The following LTBP4 variants were observed in gnomAD, a reference collection of about 807,000 sequenced individuals.
LTBP4 encodes latent transforming growth factor beta binding protein 4.
LTBP4 carries 93 observed loss-of-function variants against 180.2 expected under a neutral mutation model. That is an observed-to-expected ratio of 0.52 (90% CI 0.44 to 0.61). LTBP4 has a LOEUF of 0.61. Among genes scored for constraint, LTBP4 ranks in the 20% least tolerant of loss-of-function variants. The probability of loss-of-function intolerance (pLI) is 0.00; values close to 1 mark genes in which losing one functional copy is unlikely to be tolerated. For missense variants in LTBP4, 2,116 were observed against 2,256.5 expected (o/e 0.94, Z 1.26); for synonymous variants, 947 against 934.5 (o/e 1.01, Z -0.24).
At chr19:40,602,573 C>T (rs775640497) in intron 1 of LTBP4, among the ~76,000 whole-genome samples, 2 of 152,176 alleles carry the variant, frequency 1.3e-5, no homozygotes, top group Non-Finnish European at 2.9e-5. Context: ...CTCCCTCTCT[C>T]CTCCCCTTCC....
At chr19:40,594,449 G>A (rs2081380769) in intron 1 of LTBP4, 1 of 152,136 alleles carries the variant, frequency 6.6e-6, no homozygotes, top group Admixed American at 6.6e-5. Context: ...AGTTGCAGTG[G>A]TGAGCCAGAG....
chr19:40,609,930 C>T lies in LTBP4; in HGVS notation c.1684+59C>T. On this transcript the variant is annotated intron_variant, in intron 11 of 29. Coordinates refer to ENST00000396819, the MANE Select transcript of LTBP4 (RefSeq NM_001042545.2). The surrounding 1 kb of genome is among the most constrained non-coding windows in gnomAD (Gnocchi z 4.9). The stretch of plus-strand genomic sequence containing the variant: ...CCCCAGGGTCTCGCTCCTGCTCTCA[C>T]TCCAGAGCCTCTCCAGCCCTCCCAC... 1 of 1,463,670 alleles carries T rather than the reference C, an allele frequency of 6.8e-7. No homozygotes were observed. The highest frequency in any genetic ancestry group is 9.0e-7 in the Non-Finnish European group (1 of 1,106,494). The allele number at this position is 1,463,670 out of a possible 1,614,324, so 90.7% of individuals were successfully genotyped here. A position where few individuals can be genotyped will look rare whatever the true frequency, so the allele number is the denominator to read the frequency against.
In LTBP4 at chr19:40,623,695, C is replaced by A; in HGVS notation, c.3648C>A (p.Asn1216Lys). ...CGGGCTACTCATGCTATTGCAGCAA[C>A]GGCTACTACTACCACACACAGCGGC... is the stretch of plus-strand genomic sequence containing the variant. ...TAPGYSCYCS[N>K]GYYYHTQRLE... The change falls in exon 25 of 30, where the codon AAC (asparagine) becomes AAA (lysine). Residue 1216 changes from asparagine (N) to lysine (K), a missense_variant. Physicochemically the swap from Asn to Lys is moderately conservative, Grantham distance 94. Around this residue, in one of 5 missense-constraint regions of LTBP4, gnomAD observed 278 missense variants for 373.0 expected, o/e 0.75. Coordinates refer to ENST00000396819, the MANE Select transcript of LTBP4 (RefSeq NM_001042545.2). The A allele has an allele frequency of 6.2e-7, 1 of 1,613,918 alleles. No homozygotes were observed. Among genetic ancestry groups the A allele is most frequent in the Non-Finnish European group, 8.5e-7 (1 of 1,179,890 alleles).
chr19:40,608,272 C>T lies in LTBP4; in HGVS notation c.1209C>T (p.Ser403=), dbSNP rs369408274. The stretch of plus-strand genomic sequence containing the variant: ...GTCCTGGTTACCACTACTCGGCCTC[C>T]GACCTCCGCTACAACACCAGACCCC... ...PAGPGYHYSA[S]DLRYNTRPLG... is the part of the protein sequence containing the mutation. Residue 403 remains serine (S), a synonymous_variant, in exon 8 of 30, where the codon TCC becomes TCT. Coordinates refer to ENST00000396819, the MANE Select transcript of LTBP4 (RefSeq NM_001042545.2). 7.4e-6 allele frequency: 12 copies of T among 1,613,770 alleles called. No homozygotes were observed. The highest frequency in any genetic ancestry group is 2.2e-5 in the South Asian group (2 of 91,070).
rs769425709 is a variant in LTBP4, at chr19:40,611,313, C to T, written c.1972C>T (p.Arg658Cys). Residue 658 changes from arginine (R) to cysteine (C), a missense_variant, in exon 13 of 30, where the codon CGC becomes TGC. Arg to Cys is a radical substitution (Grantham distance 180). Around this residue, in one of 5 missense-constraint regions of LTBP4, gnomAD observed 877 missense variants for 873.6 expected, o/e 1.00. Transcript: ENST00000396819. This position sits in a 1 kb window ranked among gnomAD's most constrained non-coding sequence, Gnocchi z 4.4. ...AQEPPPCGPG[R>C]CDNTAGSFHC... ...GGAGCCGCCGCCCTGTGGGCCCGGC[C>T]GCTGTGACAACACGGCAGGCTCCTT... 1.4e-5 allele frequency: 23 copies of T among 1,612,194 alleles called. No individual in the cohort carries two copies. Among genetic ancestry groups the T allele is most frequent in the South Asian group, 9.9e-5 (9 of 90,986 alleles).
rs746047169 is a variant in LTBP4, at chr19:40,609,886, C to T, written c.1684+15C>T. On this transcript the variant is annotated intron_variant, in intron 11 of 29. Coordinates refer to ENST00000396819, the MANE Select transcript of LTBP4 (RefSeq NM_001042545.2). The surrounding 1 kb of genome is among the most constrained non-coding windows in gnomAD (Gnocchi z 4.9). ...GGAATGCCTGGGTGAGAAATTTGCC[C>T]CACCCGGCTCCAGGCCCACCCCAGG... The T allele has an allele frequency of 2.6e-6, 4 of 1,517,094 alleles. No individual in the cohort carries two copies. The African/African-American group carries it at 4.1e-5, about 16-fold the overall frequency. The allele number at this position is 1,517,094 out of a possible 1,614,324, so 94.0% of individuals were successfully genotyped here. A position where few individuals can be genotyped will look rare whatever the true frequency, so the allele number is the denominator to read the frequency against.
chr19:40,614,686 G>A (rs1425718188), intron 19 of LTBP4, among the ~76,000 whole-genome samples: 1 of 152,094 alleles, frequency 6.6e-6, no homozygotes, highest in Non-Finnish European at 1.5e-5. Flanking sequence ...CTGAAGCCCG[G>A]TCCACATTTT....
intron 19 of LTBP4, among the ~76,000 whole-genome samples, chr19:40,615,144 C>T (rs2081538234): frequency 9.5e-6 from 1 of 105,412 alleles, no homozygotes; most frequent in Non-Finnish European, 1.8e-5. Flanking sequence ...TCCAGCGAGG[C>T]AGGAGGGTGG....
chr19:40,614,595 C>T (rs2081533626), intron 19 of LTBP4, 149 bp downstream of exon 19: 8 of 1,098,780 alleles, frequency 7.3e-6, no homozygotes, highest in African/African-American at 1.6e-5. Context: ...GGAAATAAGC[C>T]GCCACCGTGT....
Position 40,601,603 on chromosome 19 carries a change from C to T in LTBP4, c.216C>T (p.Gly72=), listed in dbSNP as rs1001602262. Residue 72 remains glycine, a synonymous_variant, in exon 1 of 30, where the codon GGC becomes GGT. Transcript: ENST00000396819. ...CCAGCGTGGACAGCGGCGCTCCCGG[C>T]GGGGCGGCCCCGGGGGGACCCGGCT... The part of the protein sequence containing the change: ...NATSVDSGAP[G]GAAPGGPGFR... 4 of 1,399,420 alleles carry T rather than the reference C, an allele frequency of 2.9e-6. No individual in the cohort carries two copies. Among genetic ancestry groups the T allele is most frequent in the Admixed American group, 3.4e-5 (1 of 29,826 alleles). 86.7% of individuals were successfully genotyped at this position (1,399,420 alleles called of 1,614,324 possible). A position where few individuals can be genotyped will look rare whatever the true frequency, so the allele number is the denominator to read the frequency against.
rs1008332763 is a variant in LTBP4, at chr19:40,613,654, G to A, written c.2557+125G>A. On this transcript the variant is annotated intron_variant, in intron 17 of 29. Transcript: ENST00000396819. The surrounding 1 kb of genome is among the most constrained non-coding windows in gnomAD (Gnocchi z 5.0). The stretch of plus-strand genomic sequence containing the variant: ...GCCGGGGTATTCCAGCAGGATCAGG[G>A]GGCAGCTGGTGGGAGTCTCGAGGCA... The A allele has an allele frequency of 2.3e-5, 34 of 1,469,254 alleles. No individual in the cohort carries two copies. The African/African-American group carries it at 4.3e-4, about 19-fold the overall frequency. The allele number at this position is 1,469,254 out of a possible 1,614,324, so 91.0% of individuals were successfully genotyped here. A position where few individuals can be genotyped will look rare whatever the true frequency, so the allele number is the denominator to read the frequency against.
chr19:40,614,120 C>T lies in LTBP4; in HGVS notation c.2680+82C>T. 2.5e-6 allele frequency: 4 copies of T among 1,569,934 alleles called. No homozygotes were observed. In the South Asian group the frequency reaches 4.6e-5, roughly 18 times the overall value. ...TTGGCCTCCCACCTCTGTCTTTCCT[C>T]CTCCGCTTCTCCCCTCCCCTTACCT... is the stretch of plus-strand genomic sequence containing the variant. On this transcript the variant is annotated intron_variant, in intron 18 of 29. Coordinates refer to ENST00000396819, the MANE Select transcript of LTBP4 (RefSeq NM_001042545.2).
chr19:40,595,478 TCTG>T (rs922506293), intron 1 of LTBP4, among the ~76,000 whole-genome samples: 3 of 151,846 alleles, frequency 2.0e-5, no homozygotes, highest in African/African-American at 7.3e-5. Flanking sequence ...GGCTCCTGGC[TCTG>T]CCCCCTCCTG....
At position 40,625,281 on chromosome 19, in the gene LTBP4, TATATATATATATATA is replaced by T. The variant is rs2081619936; in HGVS notation, c.3833-575_3833-561del. 2.9e-3 allele frequency among the ~76,000 whole-genome samples: 28 copies of T among 9,804 alleles called. 2 individuals carry two copies. The highest frequency in any genetic ancestry group is 0.014 in the African/African-American group (14 of 1,032). 6.4% of individuals were successfully genotyped at this position (9,804 alleles called of 152,430 possible). On this transcript the variant is annotated intron_variant, in intron 26 of 29. Coordinates refer to ENST00000396819, the MANE Select transcript of LTBP4 (RefSeq NM_001042545.2). Reference sequence around the variant, plus strand: ...ATATATATATATATATATATATATATATATATATATATATATATATATATATATATATATATTTTT... The same window carrying T: ...ATATATATATATATATATATATATATTATATATATATATATATATATTTTT...
At chr19:40,627,984 C>T (rs920996371) in intron 29 of LTBP4, 127 bp downstream of exon 29, 1 of 1,255,274 alleles carries the variant, frequency 8.0e-7, no homozygotes, top group Non-Finnish European at 1.1e-6. Context: ...CGGGCCAGCG[C>T]AAAAGGGAGG....
At position 40,610,551 on chromosome 19, in the gene LTBP4, C is replaced by G; in HGVS notation, c.1704C>G (p.Arg568=). 1 of 1,593,818 alleles carries G rather than the reference C, an allele frequency of 6.3e-7. No individual in the cohort carries two copies. The highest frequency in any genetic ancestry group is 8.5e-7 in the Non-Finnish European group (1 of 1,175,882). Residue 568 remains arginine (R), a synonymous_variant, in exon 12 of 30, where the codon CGC becomes CGG. Coordinates refer to ENST00000396819, the MANE Select transcript of LTBP4 (RefSeq NM_001042545.2). ...CTACAGATGTGGACGAGTGCCACCG[C>G]GTGCCGCCGCCGTGTGACCTCGGGC... ...AECLDVDECH[R]VPPPCDLGRC... is the part of the protein sequence containing the mutation.
At chr19:40,602,087 A>G (rs2081427792) in intron 1 of LTBP4, among the ~76,000 whole-genome samples, 1 of 147,574 alleles carries the variant, frequency 6.8e-6, no homozygotes, top group East Asian at 2.0e-4. Context: ...GAGGTGGGGT[A>G]CTAGAGAGAA....
At chr19:40,599,565 G>T, upstream of LTBP4, 1 of 1,604,336 alleles carries the variant, frequency 6.2e-7, no homozygotes, top group East Asian at 2.2e-5. Flanking sequence ...ACGTGAGTGG[G>T]CAGTCCCTCC....
At position 40,606,487 on chromosome 19, in the gene LTBP4, G is replaced by A; in HGVS notation, c.952G>A (p.Asp318Asn). 1 of 1,577,404 alleles carries A rather than the reference G, an allele frequency of 6.3e-7. No individual in the cohort carries two copies. The highest frequency in any genetic ancestry group is 8.6e-7 in the Non-Finnish European group (1 of 1,162,734). The change falls in exon 6 of 30, where the codon GAC becomes AAC. Residue 318 changes from aspartate (D) to asparagine (N), a missense_variant. Coordinates refer to ENST00000396819, the MANE Select transcript of LTBP4 (RefSeq NM_001042545.2). ...CGGCGGGTACACGTGTGTGTGCCCCGACGGCTTTCTGCTCGACTCGTCCCG... is the reference window on the plus strand; with the variant it reads ...CGGCGGGTACACGTGTGTGTGCCCCAACGGCTTTCTGCTCGACTCGTCCCG... ...TRGGYTCVCPDGFLLDSSRSS... is the reference protein window; with the variant it reads ...TRGGYTCVCPNGFLLDSSRSS...
Sources: allele counts gnomAD v4.1 joint callset (sites outside exome capture counted in the v4.1 genomes callset), GRCh38; gene constraint gnomAD v4.1.1; regional missense constraint gnomAD v4.1.1; non-coding constraint Gnocchi (gnomAD v3.1); transcripts MANE v1.5; gene names NCBI Gene and HGNC (gene_info 2026-07-23, HGNC 2026-07-21).